Variants in LUZP2 observed in about 807,000 individuals in gnomAD.
The protein encoded by LUZP2 is leucine zipper protein 2.
Under a neutral mutation model 51.6 loss-of-function variants are expected in LUZP2, and 52 were observed. That is an observed-to-expected ratio of 1.01 (90% CI 0.81 to 1.27). The LOEUF (loss-of-function observed/expected upper bound fraction) is 1.27, where lower values mean the gene tolerates loss of function less well. Ranked by LOEUF, LUZP2 falls within the 50% of genes most tolerant of loss-of-function variation. LUZP2 has a pLI of 0.00. For missense variants in LUZP2, 436 were observed against 395.4 expected (o/e 1.10, Z -0.87); for synonymous variants, 154 against 137.3 (o/e 1.12, Z -0.85).
intron 9 of LUZP2, among the ~76,000 whole-genome samples, chr11:24,989,842 A>T (rs769654769): frequency 3.3e-5 from 5 of 152,152 alleles, no homozygotes; most frequent in Admixed American, 6.6e-5. Context: ...CAAGATTTAA[A>T]CTAAGGTCTG....
chr11:24,616,752 A>C (rs1215886570), intron 1 of LUZP2, among the ~76,000 whole-genome samples: 1 of 152,076 alleles, frequency 6.6e-6, no homozygotes, highest in Non-Finnish European at 1.5e-5. Context: ...CTCTGACCTT[A>C]TTCTTCTTTT....
At chr11:24,854,925 C>T (rs1851511769) in intron 5 of LUZP2, among the ~76,000 whole-genome samples, 1 of 152,102 alleles carries the variant, frequency 6.6e-6, no homozygotes, top group African/African-American at 2.4e-5. Flanking sequence ...AGGTGATGCT[C>T]CACCCTGCTT....
intron 1 of LUZP2, among the ~76,000 whole-genome samples, chr11:24,504,595 C>T (rs760083141): frequency 1.1e-4 from 17 of 152,000 alleles, no homozygotes; most frequent in Non-Finnish European, 2.4e-4. Context: ...ATAGCTGTGC[C>T]TTGTAGTCCC....
At chr11:24,816,037 G>A (rs534867677) in intron 5 of LUZP2, among the ~76,000 whole-genome samples, 12 of 148,650 alleles carry the variant, frequency 8.1e-5, no homozygotes, top group Admixed American at 3.4e-4. Flanking sequence ...TTTATCACCC[G>A]GCTACTTTTG....
intron 5 of LUZP2, among the ~76,000 whole-genome samples, chr11:24,793,035 C>A (rs1183275790): frequency 6.6e-6 from 1 of 152,132 alleles, no homozygotes; most frequent in African/African-American, 2.4e-5. Flanking sequence ...GTTAGATCTG[C>A]ATTTTAATTT....
At chr11:24,756,223 A>T (rs79775011) in intron 4 of LUZP2, among the ~76,000 whole-genome samples, 1,882 of 152,324 alleles carry the variant, frequency 0.012, 23 homozygotes, top group Non-Finnish European at 0.018. Flanking sequence ...CCTCACATGT[A>T]TTGATACACT....
At chr11:24,926,946 A>G (rs1854295430) in intron 7 of LUZP2, among the ~76,000 whole-genome samples, 1 of 151,840 alleles carries the variant, frequency 6.6e-6, no homozygotes, top group African/African-American at 2.4e-5. Context: ...TGCAGGAATA[A>G]AGTAGTATCA....
At chr11:24,554,196 G>A (rs1000117947) in intron 1 of LUZP2, among the ~76,000 whole-genome samples, 2 of 152,140 alleles carry the variant, frequency 1.3e-5, no homozygotes, top group African/African-American at 2.4e-5. Flanking sequence ...CTTCTAGGTA[G>A]ACACATTCCG....
intron 1 of LUZP2, among the ~76,000 whole-genome samples, chr11:24,627,798 T>C (rs1474561006): frequency 6.6e-6 from 1 of 152,132 alleles, no homozygotes; most frequent in East Asian, 1.9e-4. Flanking sequence ...ATGACACCCA[T>C]TGGATGACAG....
At chr11:24,503,441 G>A (rs1341237952) in intron 1 of LUZP2, among the ~76,000 whole-genome samples, 7 of 152,178 alleles carry the variant, frequency 4.6e-5, no homozygotes, top group African/African-American at 1.7e-4. Context: ...TATGAAGACA[G>A]AAGGTGAAGG....
chr11:24,785,094 G>A (rs760811869), intron 5 of LUZP2, among the ~76,000 whole-genome samples: 1 of 151,932 alleles, frequency 6.6e-6, no homozygotes, highest in Non-Finnish European at 1.5e-5. Context: ...CACTATTTAT[G>A]CTCATTCCTC....
chr11:24,934,537 C>T (rs1854539605), intron 7 of LUZP2, among the ~76,000 whole-genome samples: 1 of 151,934 alleles, frequency 6.6e-6, no homozygotes, highest in Non-Finnish European at 1.5e-5. Flanking sequence ...TAATAACATA[C>T]TTAAATTTTA....
At chr11:24,972,287 A>G (rs1479965685) in intron 7 of LUZP2, among the ~76,000 whole-genome samples, 1 of 152,038 alleles carries the variant, frequency 6.6e-6, no homozygotes, top group Non-Finnish European at 1.5e-5. Context: ...TGAATTTATG[A>G]CAAGTAATAT....
chr11:24,956,407 C>A (rs11028299), intron 7 of LUZP2, among the ~76,000 whole-genome samples: 1 of 152,006 alleles, frequency 6.6e-6, no homozygotes, highest in African/African-American at 2.4e-5. Flanking sequence ...TAAGGCAATA[C>A]GTTTTCGATG....
intron 1 of LUZP2, among the ~76,000 whole-genome samples, chr11:24,641,676 T>A (rs549773787): frequency 1.3e-5 from 2 of 151,838 alleles, no homozygotes; most frequent in African/African-American, 4.9e-5. Flanking sequence ...TTAGTCTAAT[T>A]AAAGGCCACC....
intron 9 of LUZP2, among the ~76,000 whole-genome samples, chr11:24,986,966 T>C (rs547424999): frequency 6.6e-6 from 1 of 151,824 alleles, no homozygotes; most frequent in Non-Finnish European, 1.5e-5. Flanking sequence ...AAAAATCTCT[T>C]TTCTGCTATT....
At chr11:24,776,659 C>G (rs1002656312) in intron 5 of LUZP2, among the ~76,000 whole-genome samples, 2 of 152,174 alleles carry the variant, frequency 1.3e-5, no homozygotes, top group Non-Finnish European at 2.9e-5. Context: ...GCAATGTCCC[C>G]TTGGCTATAA....
intron 7 of LUZP2, among the ~76,000 whole-genome samples, chr11:24,937,630 G>T (rs1363462385): frequency 6.6e-6 from 1 of 152,102 alleles, no homozygotes; most frequent in South Asian, 2.1e-4. Context: ...GGCCGGGCGC[G>T]GTGGCTCACG....
chr11:24,769,914 T>C (rs957414253), intron 5 of LUZP2, among the ~76,000 whole-genome samples: 1 of 152,084 alleles, frequency 6.6e-6, no homozygotes, highest in Admixed American at 6.5e-5. Flanking sequence ...TGCCCCAGCC[T>C]CCTAAGTAGC....
Sources: gnomAD v4.1 joint callset for allele counts (sites outside exome capture counted in the v4.1 genomes callset) on GRCh38, gnomAD v4.1.1 for gene constraint, MANE v1.5 for transcripts, NCBI Gene and HGNC (gene_info 2026-07-23, HGNC 2026-07-21) for gene names.